The following IMPG1 variants were observed in gnomAD, a reference collection of about 807,000 sequenced individuals.
IMPG1 encodes interphotoreceptor matrix proteoglycan 1.
Under a neutral mutation model 92.0 loss-of-function variants are expected in IMPG1, and 85 were observed. That is an observed-to-expected ratio of 0.92 (90% CI 0.78 to 1.11). The LOEUF is 1.11. IMPG1 is among the 50% of genes least tolerant of loss of function. The pLI, the probability that IMPG1 is intolerant of heterozygous loss-of-function variation, is 0.00. For missense variants in IMPG1, 1,022 were observed against 956.0 expected, an observed-to-expected ratio of 1.07 and a Z score of -0.91; for synonymous variants, 367 against 334.1, an observed-to-expected ratio of 1.10 and a Z score of -1.08.
In IMPG1 at chr6:75,975,760, G is replaced by A. The variant is rs559111259; in HGVS notation, c.1292-24666C>T. On this transcript the variant is annotated intron_variant, in intron 12 of 16. Coordinates refer to ENST00000369950, the MANE Select transcript of IMPG1 (RefSeq NM_001563.4). ...AAACTTTTTCTGACAAGGGCCAAAC[G>A]ATAAATATTTTAGGCTGTATAGACC... Among the ~76,000 whole-genome samples, 16 of 152,214 alleles carry A rather than the reference G, an allele frequency of 1.1e-4. No individual in the cohort carries two copies. The South Asian group carries it at 2.9e-3, about 28-fold the overall frequency.
At chr6:76,068,340 G>T (rs1199363704) in intron 1 of IMPG1, among the ~76,000 whole-genome samples, 1 of 152,036 alleles carries the variant, frequency 6.6e-6, no homozygotes, top group Admixed American at 6.6e-5. Context: ...CTCAGTAAAG[G>T]TTTGGGATAC....
At chr6:76,004,801 G>A (rs1048593113) in intron 10 of IMPG1, among the ~76,000 whole-genome samples, 4 of 152,188 alleles carry the variant, frequency 2.6e-5, no homozygotes, top group Admixed American at 2.6e-4. Context: ...CAAGTCTGGA[G>A]ATAGTAATGA....
chr6:75,972,950 G>A (rs1782447204), intron 12 of IMPG1, among the ~76,000 whole-genome samples: 1 of 152,142 alleles, frequency 6.6e-6, no homozygotes, highest in African/African-American at 2.4e-5. Context: ...AGTGGAATCA[G>A]TGTTTAATGG....
intron 1 of IMPG1, among the ~76,000 whole-genome samples, chr6:76,047,321 C>G (rs933685668): frequency 6.6e-6 from 1 of 152,176 alleles, no homozygotes; most frequent in Non-Finnish European, 1.5e-5. Flanking sequence ...GTTACATTCT[C>G]CACTATGCTT....
At chr6:76,028,561 G>A (rs1419678541) in intron 4 of IMPG1, among the ~76,000 whole-genome samples, 1 of 152,228 alleles carries the variant, frequency 6.6e-6, no homozygotes. Flanking sequence ...CGGACACGGT[G>A]GCTCACGCCT....
chr6:75,929,919 C>T (rs1781636083), intron 15 of IMPG1, among the ~76,000 whole-genome samples: 1 of 151,986 alleles, frequency 6.6e-6, no homozygotes, highest in South Asian at 2.1e-4. Context: ...TTTCTCCACT[C>T]AATTGTCTTG....
intron 1 of IMPG1, among the ~76,000 whole-genome samples, chr6:76,072,090 G>A (rs1243279812): frequency 2.0e-5 from 3 of 151,692 alleles, no homozygotes; most frequent in Non-Finnish European, 4.4e-5. Context: ...GTTGAATTTC[G>A]GTGGATAAAT....
intron 12 of IMPG1, among the ~76,000 whole-genome samples, chr6:75,984,440 T>G (rs189262152): frequency 8.5e-5 from 13 of 152,322 alleles, no homozygotes; most frequent in South Asian, 4.1e-4. Context: ...AAGGACATTA[T>G]GTTAAGGGAA....
intron 1 of IMPG1, among the ~76,000 whole-genome samples, chr6:76,047,157 C>T (rs1044368943): frequency 5.0e-4 from 76 of 152,216 alleles, no homozygotes; most frequent in African/African-American, 1.8e-3. Context: ...TTTCACTGTG[C>T]TATTCCTCAG....
chr6:76,032,657 A>C (rs1184385804), intron 4 of IMPG1, among the ~76,000 whole-genome samples: 1 of 152,210 alleles, frequency 6.6e-6, no homozygotes. Flanking sequence ...CAAAGCAGGA[A>C]GAGATTGCTG....
chr6:75,944,214 C>T (rs1781883470), intron 14 of IMPG1, among the ~76,000 whole-genome samples: 1 of 152,114 alleles, frequency 6.6e-6, no homozygotes, highest in Non-Finnish European at 1.5e-5. Flanking sequence ...ATTCCCTGTG[C>T]CCCCCTCTAT....
At chr6:76,027,188 A>G (rs1459541304) in intron 4 of IMPG1, among the ~76,000 whole-genome samples, 1 of 152,236 alleles carries the variant, frequency 6.6e-6, no homozygotes, top group African/African-American at 2.4e-5. Flanking sequence ...TGTCATTAAA[A>G]TGTAAATAGG....
chr6:76,011,098 A>T, intron 8 of IMPG1, 68 bp downstream of exon 8: 1 of 870,416 alleles, frequency 1.1e-6, no homozygotes, highest in South Asian at 1.5e-5. Flanking sequence ...TCCTTATGGC[A>T]TTGTTTTTAC....
Position 76,034,634 on chromosome 6 carries a change from T to A in IMPG1, c.455A>T (p.Asp152Val), listed in dbSNP as rs766273394. 6.8e-6 allele frequency: 11 copies of A among 1,614,018 alleles called. No homozygotes were observed. The East Asian group carries it at 1.8e-4, about 26-fold the overall frequency. Residue 152 changes from aspartate to valine, a missense_variant, in exon 3 of 17, where the codon GAT (aspartate) becomes GTT (valine). Transcript: ENST00000369950. ...KNFSNSQEHL[D>V]LLQQRIKQRS... ...GTTTAGGCTCACCTGCTGGAGAAGA[T>A]CCAGGTGCTCCTGGGAATTGCTGAA...
chr6:76,043,383 T>A (rs1016177286), intron 1 of IMPG1, among the ~76,000 whole-genome samples: 1 of 152,130 alleles, frequency 6.6e-6, no homozygotes, highest in South Asian at 2.1e-4. Context: ...ATTTAAATCT[T>A]GCTGTAAAGC....
intron 8 of IMPG1, among the ~76,000 whole-genome samples, chr6:76,009,444 T>G (rs1252505230): frequency 6.6e-6 from 1 of 152,232 alleles, no homozygotes; most frequent in Non-Finnish European, 1.5e-5. Flanking sequence ...TTTTTGGTCT[T>G]CTTCAGGGAT....
At chr6:76,037,365 T>C (rs778207732) in intron 2 of IMPG1, among the ~76,000 whole-genome samples, 5 of 152,186 alleles carry the variant, frequency 3.3e-5, no homozygotes, top group Non-Finnish European at 7.3e-5. Context: ...GGTGCAGTCC[T>C]GACCACCTCA....
chr6:76,034,809 G>A, intron 2 of IMPG1, 22 bp from the exon 3 acceptor site: 1 of 1,604,112 alleles, frequency 6.2e-7, no homozygotes, highest in Non-Finnish European at 8.5e-7. Flanking sequence ...AGTCATTAAT[G>A]GCCATGCCCT....
At position 76,034,625 on chromosome 6, in the gene IMPG1, T is replaced by C. The variant is rs769751085; in HGVS notation, c.464A>G (p.Gln155Arg). The change falls in exon 3 of 17, where the codon CAG becomes CGG. Residue 155 changes from glutamine (Q) to arginine (R), a missense_variant. Transcript: ENST00000369950. Reference protein sequence around the residue: ...SNSQEHLDLLQQRIKQRSFPD... With the variant: ...SNSQEHLDLLRQRIKQRSFPD... Reference sequence around the variant, plus strand: ...CCATGTGGTGTTTAGGCTCACCTGCTGGAGAAGATCCAGGTGCTCCTGGGA... The same window carrying C: ...CCATGTGGTGTTTAGGCTCACCTGCCGGAGAAGATCCAGGTGCTCCTGGGA... 1 of 1,614,136 alleles carries C rather than the reference T, an allele frequency of 6.2e-7. No homozygotes were observed. Among genetic ancestry groups the C allele is most frequent in the South Asian group, 1.1e-5 (1 of 91,086 alleles).
Sources: allele counts gnomAD v4.1 joint callset (sites outside exome capture counted in the v4.1 genomes callset), GRCh38; gene constraint gnomAD v4.1.1; transcripts MANE v1.5; gene names NCBI Gene and HGNC (gene_info 2026-07-23, HGNC 2026-07-21).